Variants in ENKD1 observed in about 807,000 individuals in gnomAD.
The protein encoded by ENKD1 is enkurin domain-containing protein 1.
A neutral mutation model predicts 35.8 loss-of-function variants in ENKD1; 39 were observed. That is an observed-to-expected ratio of 1.09 (90% CI 0.84 to 1.42). The LOEUF (loss-of-function observed/expected upper bound fraction) is 1.42. Ranked by LOEUF, ENKD1 falls within the 40% of genes most tolerant of loss-of-function variation. The pLI, the probability that ENKD1 is intolerant of heterozygous loss-of-function variation, is 0.00. For missense variants in ENKD1, 474 were observed against 471.3 expected, an observed-to-expected ratio of 1.01 and a Z score of -0.05; for synonymous variants, 205 against 198.6, an observed-to-expected ratio of 1.03 and a Z score of -0.27.
At position 67,666,749 on chromosome 16, in the gene ENKD1, G is replaced by A; in HGVS notation, c.-307C>T. 1 of 477,468 alleles carries A rather than the reference G, an allele frequency of 2.1e-6. No homozygotes were observed. Among genetic ancestry groups the A allele is most frequent in the South Asian group, 4.2e-5 (1 of 23,678 alleles). 29.6% of individuals were successfully genotyped at this position (477,468 alleles called of 1,614,324 possible). On this transcript the variant is annotated 5_prime_UTR_variant, in exon 1 of 7. Transcript: ENST00000243878. The stretch of plus-strand genomic sequence containing the variant: ...ACCCGACGGGACTTGTTGTTGCCGG[G>A]CAACCGTGGCTTCCGTCCCCGGGGT...
chr16:67,665,060 A>AG lies in ENKD1; in HGVS notation c.388dup (p.Leu130ProfsTer53), dbSNP rs762750441. On this transcript the variant is annotated frameshift_variant, in exon 3 of 7. Transcript: ENST00000243878. LOFTEE classifies it high-confidence loss of function. ...CTTGGGTGAGCGCCACAGAGCTTTC[A>AG]GGGGCCTGGGCTGGCCCTGCTCCCG... The AG allele has an allele frequency of 3.9e-5, 63 of 1,613,786 alleles. No individual in the cohort carries two copies. In the South Asian group the frequency reaches 6.6e-4, roughly 17 times the overall value.
At position 67,663,680 on chromosome 16, in the gene ENKD1, C is replaced by T. The variant is rs768497566; in HGVS notation, c.720G>A (p.Thr240=). ...ACTAATGTGGCACATGGCCCTTCTG[C>T]GTGGCATTGTAGTGCTCCTGGGCCT... ...QRQAQEHYNA[T]QKGHVPHYLL... The change falls in exon 5 of 7, where the codon ACG becomes ACA. Residue 240 remains threonine, a synonymous_variant. Coordinates refer to ENST00000243878, the MANE Select transcript of ENKD1 (RefSeq NM_032140.3). 15 of 1,612,324 alleles carry T rather than the reference C, an allele frequency of 9.3e-6. No homozygotes were observed. The highest frequency in any genetic ancestry group is 3.3e-4 in the Middle Eastern group (2 of 6,080).
In ENKD1 at chr16:67,666,718, G is replaced by A. The variant is rs1409249156; in HGVS notation, c.-276C>T. 6.2e-6 allele frequency: 3 copies of A among 481,182 alleles called. No individual in the cohort carries two copies. The highest frequency in any genetic ancestry group is 1.1e-5 in the Non-Finnish European group (3 of 277,474). The allele number at this position is 481,182 out of a possible 1,614,324, so 29.8% of individuals were successfully genotyped here. ...CACTCGAGAGGTTTTGCCGCCAGCC[G>A]CTGCCACCCGACGGGACTTGTTGTT... On this transcript the variant is annotated 5_prime_UTR_variant, in exon 1 of 7. Coordinates refer to ENST00000243878, the MANE Select transcript of ENKD1 (RefSeq NM_032140.3).
chr16:67,664,109 G>A (rs750014672), intron 3 of ENKD1, 47 bp from the exon 4 acceptor site: 3 of 1,518,436 alleles, frequency 2.0e-6, no homozygotes, highest in East Asian at 4.9e-5. Flanking sequence ...TGAGGTCTGG[G>A]GCTCAAGCTG....
In ENKD1 at chr16:67,666,071, T is replaced by G; in HGVS notation, c.280A>C (p.Arg94=). 1.9e-6 allele frequency: 3 copies of G among 1,612,306 alleles called. No homozygotes were observed. The highest frequency in any genetic ancestry group is 2.5e-6 in the Non-Finnish European group (3 of 1,179,752). The part of the protein sequence containing the change: ...ISLGPGASLK[R]KDPKDHEKEN... Reference sequence around the variant, plus strand: ...CCCTTCTTCCATTCCTGGGACTTACTCTTGAGAGAGGCCCCAGGACCTAGG... The same window carrying G: ...CCCTTCTTCCATTCCTGGGACTTACGCTTGAGAGAGGCCCCAGGACCTAGG... The change falls in exon 2 of 7, where the codon AGG becomes CGG. Residue 94 remains arginine, a splice_region_variant and synonymous_variant. Coordinates refer to ENST00000243878, the MANE Select transcript of ENKD1 (RefSeq NM_032140.3).
intron 3 of ENKD1, 48 bp downstream of exon 3, chr16:67,664,948 T>C: frequency 6.4e-7 from 1 of 1,552,592 alleles, no homozygotes. Flanking sequence ...TACAGTTGCC[T>C]GTTGGCCAAC....
intron 2 of ENKD1, among the ~76,000 whole-genome samples, chr16:67,665,831 C>T (rs7185559): frequency 0.086 from 13,085 of 152,272 alleles, 1,581 homozygotes; most frequent in African/African-American, 0.27. Flanking sequence ...AGTAGGCACT[C>T]AACAAACAAA....
Position 67,665,089 on chromosome 16 carries a change from G to A in ENKD1, c.360C>T (p.Arg120=), listed in dbSNP as rs145058507. ...GCCTGGGCTGGCCCTGCTCCCGGCTGCGCTCCTGTTCTCTGAAGCGCTTCT... is the reference window on the plus strand; with the variant it reads ...GCCTGGGCTGGCCCTGCTCCCGGCTACGCTCCTGTTCTCTGAAGCGCTTCT... The part of the protein sequence containing the change: ...EIQKRFREQE[R]SREQGQPRPL... Residue 120 remains arginine, a synonymous_variant, in exon 3 of 7, where the codon CGC becomes CGT. Transcript: ENST00000243878. The A allele has an allele frequency of 8.6e-5, 138 of 1,613,940 alleles. No homozygotes were observed. The highest frequency in any genetic ancestry group is 6.8e-6 in the Non-Finnish European group (8 of 1,179,980).
intron 3 of ENKD1, 175 bp from the exon 4 acceptor site, chr16:67,664,237 T>G: frequency 1.4e-6 from 1 of 707,334 alleles, no homozygotes; most frequent in South Asian, 1.5e-5. Context: ...TGTCAGATTT[T>G]TAAGAAAACA....
rs542691475 is a variant in ENKD1, at chr16:67,664,656, G to A, written c.453+340C>T. On this transcript the variant is annotated intron_variant, in intron 3 of 6. Coordinates refer to ENST00000243878, the MANE Select transcript of ENKD1 (RefSeq NM_032140.3). ...AAAAGTGGCTTTTGTGGCCCCTGAC[G>A]TGGGTCCAGCTGACTTCTTGGCCTA... 5.8e-4 allele frequency: 198 copies of A among 341,690 alleles called. 2 individuals carry two copies. Among genetic ancestry groups the A allele is most frequent in the African/African-American group, 3.4e-3 (158 of 46,524 alleles). The allele number at this position is 341,690 out of a possible 1,614,324, so 21.2% of individuals were successfully genotyped here. A position where few individuals can be genotyped will look rare whatever the true frequency, so the allele number is the denominator to read the frequency against.
Position 67,663,999 on chromosome 16 carries a change from G to T in ENKD1, c.517C>A (p.Pro173Thr). 1 of 1,583,414 alleles carries T rather than the reference G, an allele frequency of 6.3e-7. No individual in the cohort carries two copies. Among genetic ancestry groups the T allele is most frequent in the Non-Finnish European group, 8.6e-7 (1 of 1,164,066 alleles). Residue 173 changes from proline (P) to threonine (T), a missense_variant, in exon 4 of 7, where the codon CCT becomes ACT. Coordinates refer to ENST00000243878, the MANE Select transcript of ENKD1 (RefSeq NM_032140.3). ...HFLRAHSRCG[P>T]GLPPPHVSSP... ...GATACATGGGGTGGTGGGAGGCCAG[G>T]GCCGCAGCGGGAGTGCGCCCGCAGG...
In ENKD1 at chr16:67,663,192, C is replaced by G. The variant is rs748777136; in HGVS notation, c.1010G>C (p.Arg337Pro). Reference sequence around the variant, plus strand: ...GTCCATCTTCACGAAGACTTTGGGCCGAGAAAAGATCTTGATGGCCTCCTC... The same window carrying G: ...GTCCATCTTCACGAAGACTTTGGGCGGAGAAAAGATCTTGATGGCCTCCTC... ...QVEEAIKIFS[R>P]PKVFVKMDD is the part of the protein sequence containing the mutation. The change falls in exon 7 of 7, where the codon CGG (arginine) becomes CCG (proline). Residue 337 changes from arginine to proline, a missense_variant. Coordinates refer to ENST00000243878, the MANE Select transcript of ENKD1 (RefSeq NM_032140.3). 3.7e-6 allele frequency: 6 copies of G among 1,614,016 alleles called. No homozygotes were observed. Among genetic ancestry groups the G allele is most frequent in the Middle Eastern group, 1.6e-4 (1 of 6,062 alleles).
Position 67,666,527 on chromosome 16 carries a change from C to A in ENKD1, c.-85G>T, listed in dbSNP as rs2053106586. 8.0e-7 allele frequency: 1 copy of A among 1,247,248 alleles called. No individual in the cohort carries two copies. Among genetic ancestry groups the A allele is most frequent in the Middle Eastern group, 2.8e-4 (1 of 3,536 alleles). 77.3% of individuals were successfully genotyped at this position (1,247,248 alleles called of 1,614,324 possible). ...CCGGGCCCCCTTCCCCAACCCCGGGCCCCCTCCCTCGCCCGGCACCCTGAC... is the reference window on the plus strand; with the variant it reads ...CCGGGCCCCCTTCCCCAACCCCGGGACCCCTCCCTCGCCCGGCACCCTGAC... On this transcript the variant is annotated 5_prime_UTR_variant, in exon 1 of 7. Coordinates refer to ENST00000243878, the MANE Select transcript of ENKD1 (RefSeq NM_032140.3).
intron 2 of ENKD1, 25 bp from the exon 3 acceptor site, chr16:67,665,193 C>G: frequency 6.2e-7 from 1 of 1,601,854 alleles, no homozygotes. Flanking sequence ...CCCCCAGGTT[C>G]TGCCCTACAT....
At chr16:67,666,005 A>T in intron 2 of ENKD1, 66 bp downstream of exon 2, 1 of 1,525,312 alleles carries the variant, frequency 6.6e-7, no homozygotes, top group South Asian at 1.2e-5. Context: ...TGGAAAGAGC[A>T]GCTGCTTTTG....
chr16:67,665,307 C>A, intron 2 of ENKD1, 139 bp from the exon 3 acceptor site: 1 of 746,552 alleles, frequency 1.3e-6, no homozygotes, highest in Non-Finnish European at 2.1e-6. Flanking sequence ...ACCCTACACA[C>A]ACTCTCCCTC....
In ENKD1 at chr16:67,665,338, ATG is replaced by A. The variant is rs1172524356; in HGVS notation, c.281-172_281-171del. On this transcript the variant is annotated intron_variant, in intron 2 of 6. Transcript: ENST00000243878. ...CCCTCATCACCGTGTTCCCTTCCTC[ATG>A]TAGTAAGTATCACAGGATGATTTTC... Among the ~76,000 whole-genome samples, 8 of 152,060 alleles carry A rather than the reference ATG, an allele frequency of 5.3e-5. No homozygotes were observed. In the South Asian group the frequency reaches 1.7e-3, roughly 32 times the overall value.
chr16:67,666,507 C>A lies in ENKD1; in HGVS notation c.-65G>T, dbSNP rs1311792765. ...AGGGCTGTTTACCTCCCTCCCCGGG[C>A]CCCCTTCCCCAACCCCGGGCCCCCT... On this transcript the variant is annotated 5_prime_UTR_variant, in exon 1 of 7. Coordinates refer to ENST00000243878, the MANE Select transcript of ENKD1 (RefSeq NM_032140.3). 6 of 1,346,060 alleles carry A rather than the reference C, an allele frequency of 4.5e-6. No individual in the cohort carries two copies. Among genetic ancestry groups the A allele is most frequent in the Admixed American group, 6.9e-5 (2 of 29,186 alleles). 83.4% of individuals were successfully genotyped at this position (1,346,060 alleles called of 1,614,324 possible).
Position 67,663,244 on chromosome 16 carries a change from C to T in ENKD1, c.958G>A (p.Glu320Lys). Residue 320 changes from glutamate (E) to lysine (K), a missense_variant, in exon 7 of 7, where the codon GAG becomes AAG. Glu to Lys is a moderately conservative substitution (Grantham distance 56, BLOSUM62 1). Coordinates refer to ENST00000243878, the MANE Select transcript of ENKD1 (RefSeq NM_032140.3). ...DSLRAQSHRA[E>K]LDRKLVQVEE... ...ACCTGCACCAGCTTCCGGTCCAGCT[C>T]AGCACGGTGGCTCTGGGCTCTCAGT... 6.2e-7 allele frequency: 1 copy of T among 1,613,988 alleles called. No individual in the cohort carries two copies. The highest frequency in any genetic ancestry group is 8.5e-7 in the Non-Finnish European group (1 of 1,180,018).
Sources: allele counts gnomAD v4.1 joint callset (sites outside exome capture counted in the v4.1 genomes callset), GRCh38; gene constraint gnomAD v4.1.1; transcripts MANE v1.5; gene names NCBI Gene and HGNC (gene_info 2026-07-23, HGNC 2026-07-21).